The following TPH2 variants were observed in gnomAD, a reference collection of about 807,000 sequenced individuals.
TPH2 encodes tryptophan 5-hydroxylase 2.
TPH2 carries 27 observed loss-of-function variants against 59.1 expected under a neutral mutation model. The ratio of observed to expected loss-of-function variants is 0.46; its 90% CI spans 0.34 to 0.63. The LOEUF (loss-of-function observed/expected upper bound fraction) is 0.63, where lower values mean the gene tolerates loss of function less well. Among genes scored for constraint, TPH2 ranks in the 30% least tolerant of loss-of-function variants. TPH2 has a pLI of 0.01. For missense variants in TPH2, 523 were observed against 588.3 expected (o/e 0.89, Z 1.15); for synonymous variants, 220 against 210.5 (o/e 1.05, Z -0.39).
intron 7 of TPH2, among the ~76,000 whole-genome samples, chr12:71,992,050 G>C (rs1380456689): frequency 1.3e-5 from 2 of 152,170 alleles, no homozygotes; most frequent in Non-Finnish European, 2.9e-5. Context: ...TAGCCATTCG[G>C]TATTTTTAAA....
At position 72,031,877 on chromosome 12, in the gene TPH2, G is replaced by A. The variant is rs1592420718; in HGVS notation, c.*182G>A. On this transcript the variant is annotated 3_prime_UTR_variant, in exon 11 of 11. Transcript: ENST00000333850. ...ATAAAGCACCATAAGAAATCCAATG[G>A]CAGATAACCACTCATTGTATGAAAT... 2 of 679,542 alleles carry A rather than the reference G, an allele frequency of 2.9e-6. No homozygotes were observed. Among genetic ancestry groups the A allele is most frequent in the Non-Finnish European group, 5.2e-6 (2 of 387,494 alleles). The allele number at this position is 679,542 out of a possible 1,614,324, so 42.1% of individuals were successfully genotyped here. A position where few individuals can be genotyped will look rare whatever the true frequency, so the allele number is the denominator to read the frequency against.
intron 5 of TPH2, among the ~76,000 whole-genome samples, chr12:71,952,203 A>T (rs1451414262): frequency 6.6e-6 from 1 of 152,184 alleles, no homozygotes; most frequent in African/African-American, 2.4e-5. Context: ...TCAAAGTGTT[A>T]ACAAGAGTTT....
At chr12:72,027,767 G>T (rs1873609839) in intron 9 of TPH2, among the ~76,000 whole-genome samples, 2 of 152,140 alleles carry the variant, frequency 1.3e-5, no homozygotes, top group Admixed American at 6.6e-5. Context: ...GAGAAGGGTG[G>T]GAAATCCATC....
chr12:72,012,596 T>C (rs923163494), intron 8 of TPH2, among the ~76,000 whole-genome samples: 2 of 152,164 alleles, frequency 1.3e-5, no homozygotes, highest in African/African-American at 4.8e-5. Context: ...TCTAGAGCAA[T>C]GAGACCATGA....
chr12:71,995,415 G>T (rs547208534), intron 8 of TPH2, among the ~76,000 whole-genome samples: 84 of 152,212 alleles, frequency 5.5e-4, no homozygotes, highest in Non-Finnish European at 8.5e-4. Context: ...ATCTTAAATT[G>T]TATGTATTCA....
intron 7 of TPH2, among the ~76,000 whole-genome samples, chr12:71,981,611 C>G (rs761411450): frequency 3.3e-5 from 5 of 151,944 alleles, no homozygotes; most frequent in African/African-American, 7.3e-5. Flanking sequence ...AGGGGTGAGA[C>G]GAGGGGAGGG....
At chr12:71,949,189 T>G (rs1871279533) in intron 4 of TPH2, among the ~76,000 whole-genome samples, 1 of 152,208 alleles carries the variant, frequency 6.6e-6, no homozygotes, top group Admixed American at 6.5e-5. Context: ...ACAAAGCAAT[T>G]AAAATTAGGT....
chr12:72,008,562 C>T (rs936136984), intron 8 of TPH2, among the ~76,000 whole-genome samples: 3 of 152,202 alleles, frequency 2.0e-5, no homozygotes, highest in Non-Finnish European at 4.4e-5. Flanking sequence ...TCCCTTAACA[C>T]AGTCCTGGTA....
At position 71,978,955 on chromosome 12, in the gene TPH2, G is replaced by A. The variant is rs755118249; in HGVS notation, c.809G>A (p.Arg270Lys). ...LEDVSMFLKE[R>K]SGFTVRPVAG... ...GCTTTTTCTGTTGCCTTTTTAGAAAGGTCTGGCTTCACGGTGAGGCCGGTG... is the reference window on the plus strand; with the variant it reads ...GCTTTTTCTGTTGCCTTTTTAGAAAAGTCTGGCTTCACGGTGAGGCCGGTG... Residue 270 changes from arginine to lysine, a missense_variant, in exon 7 of 11, where the codon AGG becomes AAG. Physicochemically the swap from Arg to Lys is conservative, Grantham distance 26 (BLOSUM62 2). Coordinates refer to ENST00000333850, the MANE Select transcript of TPH2 (RefSeq NM_173353.4). 1.2e-6 allele frequency: 2 copies of A among 1,614,126 alleles called. No individual in the cohort carries two copies. Among genetic ancestry groups the A allele is most frequent in the African/African-American group, 2.7e-5 (2 of 75,022 alleles).
At chr12:72,030,984 T>A (rs1873705576) in intron 9 of TPH2, among the ~76,000 whole-genome samples, 1 of 152,180 alleles carries the variant, frequency 6.6e-6, no homozygotes, top group African/African-American at 2.4e-5. Flanking sequence ...TCCTTCAGTA[T>A]GAATTTGGCT....
At chr12:71,951,130 C>T (rs1871333679) in intron 5 of TPH2, among the ~76,000 whole-genome samples, 1 of 152,130 alleles carries the variant, frequency 6.6e-6, no homozygotes. Context: ...AGCCCAAGCC[C>T]AACCTCAGGC....
intron 1 of TPH2, 79 bp from the exon 2 acceptor site, chr12:71,941,505 G>T (rs1047501519): frequency 1.3e-5 from 20 of 1,528,190 alleles, no homozygotes; most frequent in Non-Finnish European, 1.8e-5. Context: ...TGAATGACAT[G>T]TATGGGAAAA....
intron 5 of TPH2, 65 bp downstream of exon 5, chr12:71,949,720 A>G (rs1027083612): frequency 1.5e-6 from 2 of 1,364,826 alleles, no homozygotes; most frequent in Non-Finnish European, 2.1e-6. Context: ...TGTGTTAAAC[A>G]AACCTGTCAT....
At chr12:72,021,249 T>C (rs905313074) in intron 8 of TPH2, among the ~76,000 whole-genome samples, 22 of 152,096 alleles carry the variant, frequency 1.4e-4, no homozygotes, top group Non-Finnish European at 3.1e-4. Flanking sequence ...GTGCAAAGAT[T>C]CCTCCGTCTG....
At chr12:71,984,571 A>G (rs1335643153) in intron 7 of TPH2, among the ~76,000 whole-genome samples, 1 of 152,188 alleles carries the variant, frequency 6.6e-6, no homozygotes, top group African/African-American at 2.4e-5. Context: ...CAGAGCTGGG[A>G]GGATAAACCA....
intron 9 of TPH2, among the ~76,000 whole-genome samples, chr12:72,028,350 G>A (rs1035242776): frequency 4.6e-4 from 70 of 152,278 alleles, no homozygotes; most frequent in African/African-American, 1.3e-3. Flanking sequence ...GGGTACAATA[G>A]CTGCTCCCCA....
chr12:72,028,184 A>G (rs1371469980), intron 9 of TPH2, among the ~76,000 whole-genome samples: 1 of 152,202 alleles, frequency 6.6e-6, no homozygotes, highest in African/African-American at 2.4e-5. Context: ...TGTCAGCATT[A>G]TAAAGCTTCT....
chr12:72,020,796 A>G (rs1873390220), intron 8 of TPH2, among the ~76,000 whole-genome samples: 1 of 152,006 alleles, frequency 6.6e-6, no homozygotes, highest in Non-Finnish European at 1.5e-5. Flanking sequence ...CTAGGGCTGT[A>G]ATTTTAGCCT....
chr12:71,941,724 G>A lies in TPH2; in HGVS notation c.246G>A (p.Arg82=), dbSNP rs147125940. ...TTGGTGGATTGGTAAAAGCACTGAG[G>A]CTCTTTCAGGTGAATGTGAAATATC... ...NEVGGLVKAL[R]LFQEKRVNMV... is the part of the protein sequence containing the mutation. The change falls in exon 2 of 11, where the codon AGG becomes AGA. Residue 82 remains arginine (R), a synonymous_variant. Transcript: ENST00000333850. 2.5e-6 allele frequency: 4 copies of A among 1,613,972 alleles called. No homozygotes were observed. The African/African-American group carries it at 4.0e-5, about 16-fold the overall frequency.
Sources: gnomAD v4.1 joint callset for allele counts (sites outside exome capture counted in the v4.1 genomes callset) on GRCh38, gnomAD v4.1.1 for gene constraint, MANE v1.5 for transcripts, NCBI Gene and HGNC (gene_info 2026-07-23, HGNC 2026-07-21) for gene names.